The following NAV2 variants were observed in gnomAD, a reference collection of about 807,000 sequenced individuals.
The protein encoded by NAV2 is neuron navigator 2, also known as helicase, APC down-regulated 1.
NAV2 carries 54 observed loss-of-function variants against 223.2 expected under a neutral mutation model. The observed-to-expected ratio is 0.24, with a 90% CI of 0.19 to 0.30. The LOEUF (loss-of-function observed/expected upper bound fraction) is 0.30, where lower values mean the gene tolerates loss of function less well. NAV2 is among the 10% of genes least tolerant of loss of function. The pLI is 1.00. For synonymous variants in NAV2, 1,279 were observed against 1,239.3 expected (o/e 1.03, Z -0.67); for missense variants, 2,806 against 3,147.5 (o/e 0.89, Z 2.60).
chr11:19,974,444 T>G (rs2625292), intron 10 of NAV2, among the ~76,000 whole-genome samples: 23,258 of 152,236 alleles, frequency 0.15, 2,357 homozygotes, highest in East Asian at 0.51. Flanking sequence ...AATAATAATG[T>G]ATTAATATTG....
At chr11:19,753,820 C>T (rs571005381) in intron 1 of NAV2, among the ~76,000 whole-genome samples, 1 of 152,288 alleles carries the variant, frequency 6.6e-6, no homozygotes, top group African/African-American at 2.4e-5. Context: ...TTAAGGAGCC[C>T]TTGGCGGGTG....
chr11:19,714,515 G>C (rs1417955558), intron 1 of NAV2: 2 of 455,630 alleles, frequency 4.4e-6, no homozygotes, highest in Admixed American at 4.7e-5. Context: ...GCGGGGTGAC[G>C]GGATTCCGGG....
At chr11:19,860,029 GCCAGGCGGGGGGCTGA>G (rs1321191649) in intron 3 of NAV2, among the ~76,000 whole-genome samples, 1 of 125,008 alleles carries the variant, frequency 8.0e-6, no homozygotes, top group Non-Finnish European at 1.7e-5. Flanking sequence ...GGGGCGGCTG[GCCAGGCGGGGGGCTGA>G]CCCCCCCCAA....
chr11:19,528,615 A>G (rs1214804098), intron 1 of NAV2, among the ~76,000 whole-genome samples: 2 of 150,884 alleles, frequency 1.3e-5, no homozygotes, highest in Non-Finnish European at 2.9e-5. Flanking sequence ...TAAAAAGTCT[A>G]TAAAACAGTG....
intron 1 of NAV2, among the ~76,000 whole-genome samples, chr11:19,683,435 T>C (rs756868641): frequency 1.8e-4 from 28 of 152,260 alleles, no homozygotes; most frequent in Non-Finnish European, 3.5e-4. Flanking sequence ...TGAATTTTTA[T>C]GGGTCATAAT....
At chr11:19,707,234 A>G (rs1454858379) in intron 1 of NAV2, among the ~76,000 whole-genome samples, 1 of 152,194 alleles carries the variant, frequency 6.6e-6, no homozygotes, top group Non-Finnish European at 1.5e-5. Context: ...TCTTTCTTCA[A>G]TAATAAGTTA....
chr11:19,345,362 C>T, the NAV2 span, among the ~76,000 whole-genome samples: 2 of 152,306 alleles, frequency 1.3e-5, no homozygotes, highest in African/African-American at 4.8e-5. The surrounding 1 kb of genome is among the most constrained non-coding windows in gnomAD (Gnocchi z 5.2). Context: ...CTGGACTGCC[C>T]GGCGGCGGGA....
At chr11:20,040,925 T>A (rs777570295) in intron 12 of NAV2, among the ~76,000 whole-genome samples, 1 of 151,838 alleles carries the variant, frequency 6.6e-6, no homozygotes, top group Non-Finnish European at 1.5e-5. Context: ...GGATTCAGAG[T>A]AGAGCTGGGA....
chr11:19,449,392 A>G (rs1590222757), intron 1 of NAV2, among the ~76,000 whole-genome samples: 1 of 150,458 alleles, frequency 6.6e-6, no homozygotes, highest in Admixed American at 6.6e-5. Context: ...GCGAGACTCC[A>G]TCTCAAAAAA....
At chr11:19,965,492 T>C (rs1225778991) in intron 10 of NAV2, among the ~76,000 whole-genome samples, 1 of 152,146 alleles carries the variant, frequency 6.6e-6, no homozygotes, top group Non-Finnish European at 1.5e-5. Flanking sequence ...CTTAAGTATC[T>C]CTTACTATGG....
chr11:19,521,862 C>T (rs2043668012), intron 1 of NAV2, among the ~76,000 whole-genome samples: 1 of 152,216 alleles, frequency 6.6e-6, no homozygotes, highest in Non-Finnish European at 1.5e-5. Flanking sequence ...TCTTTGGCCA[C>T]TATCATTCAA....
At chr11:19,608,815 A>C (rs1296425137) in intron 1 of NAV2, among the ~76,000 whole-genome samples, 1 of 152,214 alleles carries the variant, frequency 6.6e-6, no homozygotes, top group African/African-American at 2.4e-5. Flanking sequence ...CGAGTTGAAA[A>C]TCTAGGTGTC....
chr11:19,384,460 T>C (rs576535180), intron 1 of NAV2, among the ~76,000 whole-genome samples: 1 of 152,202 alleles, frequency 6.6e-6, no homozygotes, highest in Non-Finnish European at 1.5e-5. Context: ...CAAATGTGAG[T>C]TGACTCAGGA....
rs139283675 is a variant in NAV2, at chr11:19,934,013, G to A, written c.1769G>A (p.Arg590Gln). 152 of 1,594,406 alleles carry A rather than the reference G, an allele frequency of 9.5e-5. No homozygotes were observed. Among genetic ancestry groups the A allele is most frequent in the East Asian group, 2.9e-4 (13 of 44,768 alleles). The change falls in exon 7 of 38, where the codon CGG becomes CAG. Residue 590 changes from arginine to glutamine, a missense_variant. By Grantham distance (43) the Arg-to-Gln change is conservative. Transcript: ENST00000349880. The stretch of plus-strand genomic sequence containing the variant: ...CCTTCCAAGGAAGGGGAGCGGAGCC[G>A]GAGTGGGAAGCTGAGCTCAGGACTC... The part of the protein sequence containing the change: ...PAPSKEGERS[R>Q]SGKLSSGLPQ...
At chr11:20,074,032 C>T (rs140306851) in intron 22 of NAV2, among the ~76,000 whole-genome samples, 3,417 of 152,122 alleles carry the variant, frequency 0.022, 97 homozygotes, top group African/African-American at 0.074. Flanking sequence ...CTCAGGGTGT[C>T]GATTTTAGAT....
intron 11 of NAV2, among the ~76,000 whole-genome samples, chr11:20,030,476 A>G (rs886233608): frequency 1.3e-5 from 2 of 152,226 alleles, no homozygotes; most frequent in African/African-American, 2.4e-5. Flanking sequence ...TATTTTGTTC[A>G]TAAATTAAGA....
intron 1 of NAV2, among the ~76,000 whole-genome samples, chr11:19,498,068 G>C (rs1453877237): frequency 6.6e-6 from 1 of 152,224 alleles, no homozygotes. Context: ...CACTTAGGAA[G>C]TGATAGAGTC....
At chr11:19,568,854 G>A (rs922234913) in intron 1 of NAV2, among the ~76,000 whole-genome samples, 1 of 152,206 alleles carries the variant, frequency 6.6e-6, no homozygotes, top group Non-Finnish European at 1.5e-5. Flanking sequence ...GATCTGATTA[G>A]GAGTTATTGG....
intron 30 of NAV2, among the ~76,000 whole-genome samples, chr11:20,096,672 T>G (rs1171995686): frequency 4.6e-5 from 7 of 152,200 alleles, no homozygotes; most frequent in Non-Finnish European, 7.3e-5. Flanking sequence ...TAATTACTTT[T>G]GCAACAACCT....
Sources: gnomAD v4.1 joint callset for allele counts (sites outside exome capture counted in the v4.1 genomes callset) on GRCh38, gnomAD v4.1.1 for gene constraint, Gnocchi (gnomAD v3.1) non-coding constraint, MANE v1.5 for transcripts, NCBI Gene and HGNC (gene_info 2026-07-23, HGNC 2026-07-21) for gene names.